The following NAALADL2 variants were observed in gnomAD, a reference collection of about 807,000 sequenced individuals.
The protein encoded by NAALADL2 is N-acetylated alpha-linked acidic dipeptidase like 2, also known as inactive N-acetylated-alpha-linked acidic dipeptidase-like protein 2.
Under a neutral mutation model 87.2 loss-of-function variants are expected in NAALADL2, and 76 were observed. The observed-to-expected ratio is 0.87, with a 90% CI of 0.72 to 1.05. The LOEUF (loss-of-function observed/expected upper bound fraction) is 1.05. Among genes scored for constraint, NAALADL2 ranks in the 50% least tolerant of loss-of-function variants. The pLI is 0.00. For synonymous variants in NAALADL2, 354 were observed against 331.0 expected (o/e 1.07, Z -0.75); for missense variants, 1,089 against 945.8 (o/e 1.15, Z -1.99).
At chr3:175,435,065 A>C (rs934168524) in intron 5 of NAALADL2, among the ~76,000 whole-genome samples, 3 of 152,028 alleles carry the variant, frequency 2.0e-5, no homozygotes, top group African/African-American at 7.2e-5. Context: ...TCATATATAC[A>C]ATTTTTTCTC....
intron 1 of NAALADL2, among the ~76,000 whole-genome samples, chr3:175,074,685 A>G (rs756241633): frequency 6.6e-6 from 1 of 152,082 alleles, no homozygotes; most frequent in Non-Finnish European, 1.5e-5. Context: ...TTAAAATTAC[A>G]TACTGAAATA....
At chr3:174,555,974 C>CGTGTGTGTGTGT (rs66968495) in intron 2 of NAALADL2, among the ~76,000 whole-genome samples, 1 of 142,540 alleles carries the variant, frequency 7.0e-6, no homozygotes, top group Non-Finnish European at 1.5e-5. Context: ...CCTTATCCTC[C>CGTGTGTGTGTGT]GTGTGTGTGT....
intron 1 of NAALADL2, among the ~76,000 whole-genome samples, chr3:175,086,614 A>G (rs1718980360): frequency 2.0e-5 from 3 of 152,120 alleles, no homozygotes; most frequent in Admixed American, 2.0e-4. Context: ...TTACATTTTC[A>G]TGCCTTTTGC....
intron 13 of NAALADL2, 59 bp from the exon 14 acceptor site, chr3:175,802,946 G>A (rs1274247667): frequency 3.7e-5 from 40 of 1,095,162 alleles, no homozygotes; most frequent in Non-Finnish European, 5.0e-5. Context: ...TCATTCCAAC[G>A]TTTGATAGAA....
At chr3:175,237,468 G>A (rs1195303929) in intron 3 of NAALADL2, among the ~76,000 whole-genome samples, 4 of 152,004 alleles carry the variant, frequency 2.6e-5, no homozygotes, top group Non-Finnish European at 5.9e-5. Context: ...GCAGGATACC[G>A]ATGGTGTTCT....
At chr3:175,344,849 G>T (rs894075220) in intron 5 of NAALADL2, among the ~76,000 whole-genome samples, 1 of 152,064 alleles carries the variant, frequency 6.6e-6, no homozygotes, top group African/African-American at 2.4e-5. Flanking sequence ...TTTTATAAAT[G>T]TTGTACAAGT....
chr3:175,681,518 T>C lies in NAALADL2; in HGVS notation c.1896+54132T>C, dbSNP rs16826123. ...TAGTAATTCTTGTCCAAAACTTGTA[T>C]GCATTTTTACTATAAAGCCTTAAAA... On this transcript the variant is annotated intron_variant, in intron 11 of 13. Coordinates refer to ENST00000454872, the MANE Select transcript of NAALADL2 (RefSeq NM_207015.3). Among the ~76,000 whole-genome samples the C allele has an allele frequency of 5.8e-3, 879 of 152,360 alleles. 9 individuals carry two copies. Among genetic ancestry groups the C allele is most frequent in the African/African-American group, 0.021 (860 of 41,578 alleles).
chr3:175,766,547 A>G (rs1748705309), intron 13 of NAALADL2, among the ~76,000 whole-genome samples: 1 of 152,242 alleles, frequency 6.6e-6, no homozygotes, highest in Admixed American at 6.5e-5. Flanking sequence ...TTTCAGGGAA[A>G]TAATTCAATG....
At chr3:175,786,654 C>G (rs530539717) in intron 13 of NAALADL2, among the ~76,000 whole-genome samples, 1 of 152,124 alleles carries the variant, frequency 6.6e-6, no homozygotes, top group Non-Finnish European at 1.5e-5. Flanking sequence ...AATGTCCTCT[C>G]GTAGCTCAGA....
intron 3 of NAALADL2, among the ~76,000 whole-genome samples, chr3:174,756,380 T>G (rs780182721): frequency 6.6e-6 from 1 of 152,172 alleles, no homozygotes; most frequent in Non-Finnish European, 1.5e-5. Context: ...TCCTATATAT[T>G]CTAGGCCAGG....
At chr3:174,649,718 C>T (rs989470042) in intron 2 of NAALADL2, among the ~76,000 whole-genome samples, 2 of 152,112 alleles carry the variant, frequency 1.3e-5, no homozygotes, top group Non-Finnish European at 2.9e-5. Context: ...TTCCTTTATA[C>T]ATACATACAC....
At chr3:174,795,557 G>A (rs1717984635) in intron 3 of NAALADL2, among the ~76,000 whole-genome samples, 1 of 151,984 alleles carries the variant, frequency 6.6e-6, no homozygotes, top group South Asian at 2.1e-4. Context: ...TATATATTTA[G>A]GAGTAGAATT....
intron 1 of NAALADL2, among the ~76,000 whole-genome samples, chr3:174,877,078 A>T (rs551726648): frequency 6.6e-6 from 1 of 152,208 alleles, no homozygotes; most frequent in East Asian, 1.9e-4. Flanking sequence ...AAACCTAATT[A>T]TCACCAAAAG....
At position 175,324,183 on chromosome 3, in the gene NAALADL2, A is replaced by G. The variant is rs1250201027; in HGVS notation, c.948A>G (p.Ser316=). 1 of 1,612,590 alleles carries G rather than the reference A, an allele frequency of 6.2e-7. No individual in the cohort carries two copies. The highest frequency in any genetic ancestry group is 1.3e-5 in the African/African-American group (1 of 74,964). Residue 316 remains serine, a synonymous_variant, in exon 5 of 14, where the codon TCA becomes TCG. Transcript: ENST00000454872. ...TTGCTTCCCTCTTTTAGCTTTCCTC[A>G]TTGGAAAAGGCTGGATTTGGAGGTG... The part of the protein sequence containing the change: ...GKLPLLYKLS[S]LEKAGFGGVL...
At chr3:174,521,516 G>A (rs1720283656) in intron 1 of NAALADL2, among the ~76,000 whole-genome samples, 1 of 131,940 alleles carries the variant, frequency 7.6e-6, no homozygotes, top group Non-Finnish European at 1.5e-5. Flanking sequence ...AGGTTGCAAT[G>A]AGCCAAGATC....
intron 5 of NAALADL2, among the ~76,000 whole-genome samples, chr3:175,414,828 G>A (rs1462101390): frequency 6.6e-6 from 1 of 152,000 alleles, no homozygotes; most frequent in African/African-American, 2.4e-5. Flanking sequence ...AATTATGTGA[G>A]GTTATGCAGG....
intron 5 of NAALADL2, among the ~76,000 whole-genome samples, chr3:175,376,538 T>C (rs556561915): frequency 1.3e-5 from 2 of 152,178 alleles, no homozygotes; most frequent in Non-Finnish European, 2.9e-5. Context: ...CAGGGAGCTT[T>C]TAAGAGTTTT....
intron 2 of NAALADL2, among the ~76,000 whole-genome samples, chr3:175,193,551 T>A (rs945697277): frequency 2.6e-5 from 4 of 151,880 alleles, no homozygotes; most frequent in Non-Finnish European, 5.9e-5. Context: ...AAGAAATAAC[T>A]TCACCTTTTT....
At chr3:175,732,826 TA>T (rs35770883) in intron 11 of NAALADL2, among the ~76,000 whole-genome samples, 1 of 120,736 alleles carries the variant, frequency 8.3e-6, no homozygotes, top group African/African-American at 3.3e-5. Flanking sequence ...CTCAAAGGAA[TA>T]AAAAGTTATC....
Sources: allele counts gnomAD v4.1 joint callset (sites outside exome capture counted in the v4.1 genomes callset), GRCh38; gene constraint gnomAD v4.1.1; transcripts MANE v1.5; gene names NCBI Gene and HGNC (gene_info 2026-07-23, HGNC 2026-07-21).